The following ARAP2 variants were observed in gnomAD, a reference collection of about 807,000 sequenced individuals.
ARAP2 encodes arf-GAP with Rho-GAP domain, ANK repeat and PH domain-containing protein 2.
Under a neutral mutation model 194.5 loss-of-function variants are expected in ARAP2, and 148 were observed. The observed-to-expected ratio is 0.76, with a 90% CI of 0.67 to 0.87. The LOEUF (loss-of-function observed/expected upper bound fraction) is 0.87, where lower values mean the gene tolerates loss of function less well. ARAP2 is among the 40% of genes least tolerant of loss of function. The pLI is 0.00. For missense variants in ARAP2, 2,128 were observed against 1,989.7 expected, an observed-to-expected ratio of 1.07 and a Z score of -1.32; for synonymous variants, 695 against 683.5, an observed-to-expected ratio of 1.02 and a Z score of -0.26.
intron 2 of ARAP2, among the ~76,000 whole-genome samples, chr4:36,224,462 A>C (rs573892030): frequency 3.4e-4 from 52 of 152,248 alleles, no homozygotes; most frequent in African/African-American, 1.3e-3. Flanking sequence ...ATTAAGCCTC[A>C]ATCTGTGAAG....
intron 2 of ARAP2, among the ~76,000 whole-genome samples, chr4:36,222,466 T>C (rs1749387387): frequency 6.6e-6 from 1 of 151,904 alleles, no homozygotes; most frequent in African/African-American, 2.4e-5. Flanking sequence ...AGTTATTATA[T>C]AAAATATATA....
intron 23 of ARAP2, 58 bp from the exon 24 acceptor site, chr4:36,119,776 C>T: frequency 1.0e-5 from 12 of 1,187,224 alleles, no homozygotes; most frequent in Middle Eastern, 2.0e-4. Context: ...AGTGATGACA[C>T]TCATCCTCAT....
intron 15 of ARAP2, among the ~76,000 whole-genome samples, chr4:36,155,773 C>T (rs1732144703): frequency 6.6e-6 from 1 of 151,664 alleles, no homozygotes; most frequent in African/African-American, 2.4e-5. Context: ...CGTCATTCTC[C>T]TAAAAAGGTC....
Position 36,228,709 on chromosome 4 carries a change from G to C in ARAP2, c.778C>G (p.Pro260Ala). 1 of 1,614,056 alleles carries C rather than the reference G, an allele frequency of 6.2e-7. No individual in the cohort carries two copies. The highest frequency in any genetic ancestry group is 8.5e-7 in the Non-Finnish European group (1 of 1,179,974). ...ACAGGTGCTAGGATTGGTGATGATG[G>C]AACATACAAGTCATTTACAATCATT... is the stretch of plus-strand genomic sequence containing the variant. ...GEMIVNDLYV[P>A]SSPILAPVRS... The change falls in exon 2 of 33, where the codon CCA (proline) becomes GCA (alanine). Residue 260 changes from proline (P) to alanine (A), a missense_variant. Transcript: ENST00000303965.
chr4:36,016,904 A>C (rs1715912695), intron 6 of ARAP2, among the ~76,000 whole-genome samples: 1 of 152,014 alleles, frequency 6.6e-6, no homozygotes, highest in African/African-American at 2.4e-5. Context: ...TTTATGGTAC[A>C]CTTTTTTTGA....
At chr4:36,127,110 A>G (rs1724121489) in intron 21 of ARAP2, among the ~76,000 whole-genome samples, 1 of 152,092 alleles carries the variant, frequency 6.6e-6, no homozygotes, top group Non-Finnish European at 1.5e-5. Flanking sequence ...TGCTGGGATT[A>G]TAGGCGTGAG....
chr4:36,019,712 T>C (rs1292165111), intron 5 of ARAP2, among the ~76,000 whole-genome samples: 1 of 151,950 alleles, frequency 6.6e-6, no homozygotes, highest in Non-Finnish European at 1.5e-5. Flanking sequence ...GATGAGATAG[T>C]ATATGAAGAA....
At chr4:36,060,538 G>A (rs1029722835) in intron 1 of ARAP2, among the ~76,000 whole-genome samples, 5 of 152,142 alleles carry the variant, frequency 3.3e-5, no homozygotes, top group African/African-American at 1.2e-4. Flanking sequence ...ATTATTTCAA[G>A]TACCAGAGGG....
At chr4:36,208,613 T>C (rs1032443345) in intron 6 of ARAP2, among the ~76,000 whole-genome samples, 1 of 152,176 alleles carries the variant, frequency 6.6e-6, no homozygotes, top group Non-Finnish European at 1.5e-5. Flanking sequence ...TTAATGAACA[T>C]CTTAAACCCT....
intron 6 of ARAP2, among the ~76,000 whole-genome samples, chr4:36,208,482 A>G (rs557663300): frequency 1.3e-5 from 2 of 152,240 alleles, no homozygotes; most frequent in African/African-American, 2.4e-5. Flanking sequence ...GACACCTGCT[A>G]TATGGAGTTT....
rs549935755 is a variant in ARAP2 at position 36,094,528 on chromosome 4, C to T, written c.4286-2508G>A. On this transcript the variant is annotated intron_variant, in intron 27 of 32. Coordinates refer to ENST00000303965, the MANE Select transcript of ARAP2 (RefSeq NM_015230.4). ...TATTCATTCTTCCATCAAAAATGTACTTTTTCTTACTATCAAGCATTGTGT... is the reference window on the plus strand; with the variant it reads ...TATTCATTCTTCCATCAAAAATGTATTTTTTCTTACTATCAAGCATTGTGT... Among the ~76,000 whole-genome samples the T allele has an allele frequency of 2.0e-5, 3 of 152,132 alleles. No individual in the cohort carries two copies. The South Asian group carries it at 6.2e-4, about 32-fold the overall frequency.
chr4:36,190,374 T>C (rs1437549028), intron 7 of ARAP2, among the ~76,000 whole-genome samples: 2 of 152,220 alleles, frequency 1.3e-5, no homozygotes, highest in Non-Finnish European at 1.5e-5. Context: ...CCAAATAGGC[T>C]TCAGGTCATT....
At chr4:36,204,813 A>AC (rs983229046) in intron 6 of ARAP2, among the ~76,000 whole-genome samples, 15 of 151,766 alleles carry the variant, frequency 9.9e-5, no homozygotes, top group South Asian at 2.1e-4. Context: ...AGATGGTGAA[A>AC]CCCCGTCTCT....
chr4:36,088,041 G>C (rs1577822438), intron 28 of ARAP2, among the ~76,000 whole-genome samples: 1 of 152,200 alleles, frequency 6.6e-6, no homozygotes, highest in South Asian at 2.1e-4. Context: ...GCTTCGCATA[G>C]AGTACCCACT....
chr4:36,020,702 A>G (rs1716777791), intron 5 of ARAP2, among the ~76,000 whole-genome samples: 1 of 152,246 alleles, frequency 6.6e-6, no homozygotes, highest in Non-Finnish European at 1.5e-5. Context: ...AAAGTGAAAC[A>G]GTGGATAAGT....
chr4:36,021,279 T>G (rs1219754074), intron 5 of ARAP2, among the ~76,000 whole-genome samples: 1 of 152,168 alleles, frequency 6.6e-6, no homozygotes, highest in Non-Finnish European at 1.5e-5. Flanking sequence ...GTACTAAAAA[T>G]AAAGCATAAT....
chr4:36,107,125 G>C (rs1398808925), intron 27 of ARAP2, among the ~76,000 whole-genome samples: 1 of 151,866 alleles, frequency 6.6e-6, no homozygotes, highest in Non-Finnish European at 1.5e-5. Flanking sequence ...TATTTTGTAA[G>C]TATTTATTTT....
At chr4:36,030,795 AC>A (rs67301870) in intron 5 of ARAP2, among the ~76,000 whole-genome samples, 92,146 of 126,022 alleles carry the variant, frequency 0.73, 34,077 homozygotes, top group Admixed American at 0.83. Context: ...GACATTGTCT[AC>A]GTTTTTTTTT....
At chr4:36,077,628 G>C (rs1354118688) in intron 31 of ARAP2, among the ~76,000 whole-genome samples, 2 of 152,022 alleles carry the variant, frequency 1.3e-5, no homozygotes, top group Non-Finnish European at 1.5e-5. Context: ...ACCCTAGTCT[G>C]AGTTGACATC....
Sources: allele counts gnomAD v4.1 joint callset (sites outside exome capture counted in the v4.1 genomes callset), GRCh38; gene constraint gnomAD v4.1.1; transcripts MANE v1.5; gene names NCBI Gene and HGNC (gene_info 2026-07-23, HGNC 2026-07-21).